The following SRGAP3 variants were observed in gnomAD, a reference collection of about 807,000 sequenced individuals.
SRGAP3 encodes SLIT-ROBO Rho GTPase-activating protein 3.
In SRGAP3, 39 loss-of-function variants were observed where a neutral mutation model predicts 121.1. The ratio of observed to expected loss-of-function variants is 0.32; its 90% CI spans 0.25 to 0.42. The LOEUF is 0.42. SRGAP3 is among the 10% of genes least tolerant of loss of function. The pLI, the probability that SRGAP3 is intolerant of heterozygous loss-of-function variation, is 1.00. For synonymous variants in SRGAP3, 601 were observed against 570.0 expected (o/e 1.05, Z -0.77); for missense variants, 1,213 against 1,470.6 (o/e 0.82, Z 2.86).
intron 1 of SRGAP3, among the ~76,000 whole-genome samples, chr3:9,225,143 G>C (rs1451007710): frequency 1.3e-5 from 2 of 152,152 alleles, no homozygotes; most frequent in East Asian, 1.9e-4. Context: ...GAGAGGTTCT[G>C]AGCCTGGAGT....
chr3:9,338,600 C>T (rs559301650), intron 1 of SRGAP3, among the ~76,000 whole-genome samples: 6 of 152,324 alleles, frequency 3.9e-5, no homozygotes, highest in African/African-American at 1.4e-4. Flanking sequence ...TTTTCAGAGG[C>T]ATGCTTCCTC....
intron 1 of SRGAP3, among the ~76,000 whole-genome samples, chr3:9,247,176 C>T (rs533761278): frequency 6.6e-6 from 1 of 152,238 alleles, no homozygotes; most frequent in South Asian, 2.1e-4. Flanking sequence ...TGGCCAAATT[C>T]ATTTTATAAA....
chr3:9,136,642 C>T (rs1346366776), intron 1 of SRGAP3, among the ~76,000 whole-genome samples: 3 of 152,180 alleles, frequency 2.0e-5, no homozygotes, highest in African/African-American at 4.8e-5. Flanking sequence ...AATAATACCA[C>T]GTTAGAGGAG....
chr3:9,149,213 CA>C lies in SRGAP3; in HGVS notation c.68-24297del, dbSNP rs548286364. Among the ~76,000 whole-genome samples the C allele has an allele frequency of 3.6e-3, 204 of 56,600 alleles. No individual in the cohort carries two copies. In the Middle Eastern group the frequency reaches 0.074, roughly 20 times the overall value. 37.1% of individuals were successfully genotyped at this position (56,600 alleles called of 152,430 possible). Reference sequence around the variant, plus strand: ...CAGGTGACAGTGCAAGACTCCGTCTCAAAAAAAAAAAAAAAAAAGAAAAGAA... The same window carrying C: ...CAGGTGACAGTGCAAGACTCCGTCTCAAAAAAAAAAAAAAAAAGAAAAGAA... On this transcript the variant is annotated intron_variant, in intron 1 of 21. Coordinates refer to ENST00000383836, the MANE Select transcript of SRGAP3 (RefSeq NM_014850.4).
intron 12 of SRGAP3, among the ~76,000 whole-genome samples, chr3:9,031,906 C>T: frequency 6.6e-6 from 1 of 152,154 alleles, no homozygotes; most frequent in Admixed American, 6.5e-5. Flanking sequence ...CAAGTATCTC[C>T]CCAGCTGCTG....
intron 3 of SRGAP3, among the ~76,000 whole-genome samples, chr3:9,282,625 G>A (rs1954700038): frequency 6.6e-6 from 1 of 151,928 alleles, no homozygotes; most frequent in Non-Finnish European, 1.5e-5. Context: ...CAAGTAGCTG[G>A]GATTACAGGT....
chr3:9,125,567 T>C (rs1949192211), intron 1 of SRGAP3, among the ~76,000 whole-genome samples: 1 of 152,240 alleles, frequency 6.6e-6, no homozygotes, highest in South Asian at 2.1e-4. Flanking sequence ...ATTCCATGTA[T>C]GAACCTCTCA....
chr3:9,020,125 G>T (rs1943842384), intron 14 of SRGAP3, among the ~76,000 whole-genome samples: 1 of 152,176 alleles, frequency 6.6e-6, no homozygotes, highest in African/African-American at 2.4e-5. Context: ...GAAGCAGTGT[G>T]CCCATAATCA....
At chr3:8,988,736 G>T (rs544948394) in intron 21 of SRGAP3, among the ~76,000 whole-genome samples, 1 of 136,978 alleles carries the variant, frequency 7.3e-6, no homozygotes, top group Non-Finnish European at 1.5e-5. Flanking sequence ...TTCCACAGAT[G>T]GGGGGTCAGG....
intron 3 of SRGAP3, 67 bp from the exon 4 acceptor site, chr3:9,080,154 C>T (rs1947171143): frequency 6.4e-6 from 10 of 1,555,494 alleles, no homozygotes; most frequent in Non-Finnish European, 8.9e-6. Flanking sequence ...AATCTCTTTT[C>T]AAAAGCGAAA....
chr3:9,213,051 G>A (rs915112834), intron 1 of SRGAP3, among the ~76,000 whole-genome samples: 2 of 152,126 alleles, frequency 1.3e-5, no homozygotes, highest in Non-Finnish European at 2.9e-5. Flanking sequence ...AACTTCCCCT[G>A]GATTTGGGGC....
rs142090434 is a variant in SRGAP3, at chr3:9,083,515, G to T, written c.424-3428C>A. On this transcript the variant is annotated intron_variant, in intron 3 of 21. Transcript: ENST00000383836. ...ACACCTTTGCATCTTTTCACTTAAC[G>T]ATATCTCTGAGAAATTTTTCCATCA... Among the ~76,000 whole-genome samples the T allele has an allele frequency of 4.3e-3, 656 of 152,248 alleles. 1 individual carries two copies. The highest frequency in any genetic ancestry group is 0.011 in the Admixed American group (167 of 15,292).
At chr3:9,307,295 C>A (rs1955175699) in intron 3 of SRGAP3, among the ~76,000 whole-genome samples, 1 of 152,180 alleles carries the variant, frequency 6.6e-6, no homozygotes, top group Admixed American at 6.5e-5. Context: ...TCTGTCACTG[C>A]CTGCCCCACT....
At chr3:9,132,849 GT>G (rs35698088) in intron 1 of SRGAP3, among the ~76,000 whole-genome samples, 75,151 of 151,082 alleles carry the variant, frequency 0.5, 20,883 homozygotes, top group South Asian at 0.62. Context: ...GAAATATAGG[GT>G]TTTTTTTAAT....
intron 3 of SRGAP3, among the ~76,000 whole-genome samples, chr3:9,255,024 G>C (rs1183655904): frequency 6.6e-6 from 1 of 150,514 alleles, no homozygotes; most frequent in African/African-American, 2.4e-5. Flanking sequence ...AAAAGAAAGA[G>C]AAAGAAAGGA....
chr3:9,134,808 C>G (rs1347078150), intron 1 of SRGAP3, among the ~76,000 whole-genome samples: 1 of 152,168 alleles, frequency 6.6e-6, no homozygotes, highest in Non-Finnish European at 1.5e-5. Context: ...CTGACCCTGA[C>G]CTCAGGCCCT....
At position 9,278,099 on chromosome 3, in the gene SRGAP3, T is replaced by C. The variant is rs534173998; in HGVS notation, n.442+47911A>G. ...TAAGGAGCTATGAGAAATACATGGT[T>C]GTTGTTTATTAGCCACCCAGTTTAT... On this transcript the variant is annotated intron_variant and non_coding_transcript_variant, in intron 3 of 3. Coordinates refer to the SRGAP3 transcript ENST00000490889. Among the ~76,000 whole-genome samples the C allele has an allele frequency of 7.9e-5, 12 of 152,302 alleles. No individual in the cohort carries two copies. In the South Asian group the frequency reaches 2.1e-3, roughly 26 times the overall value.
intron 2 of SRGAP3, among the ~76,000 whole-genome samples, chr3:9,120,611 C>A (rs1948969554): frequency 6.6e-6 from 1 of 152,194 alleles, no homozygotes; most frequent in African/African-American, 2.4e-5. Flanking sequence ...TCATTGGGTC[C>A]TCGTTAAAGT....
intron 21 of SRGAP3, among the ~76,000 whole-genome samples, chr3:8,987,238 G>A (rs1941765409): frequency 6.6e-6 from 1 of 152,196 alleles, no homozygotes; most frequent in Non-Finnish European, 1.5e-5. Flanking sequence ...TGTTGACTGG[G>A]ATGCCTCCGC....
Sources: gnomAD v4.1 joint callset for allele counts (sites outside exome capture counted in the v4.1 genomes callset) on GRCh38, gnomAD v4.1.1 for gene constraint, MANE v1.5 for transcripts, NCBI Gene and HGNC (gene_info 2026-07-23, HGNC 2026-07-21) for gene names.